The following MEGF10 variants were observed in gnomAD, a reference collection of about 807,000 sequenced individuals.
MEGF10 encodes the protein multiple EGF like domains 10, also known as multiple epidermal growth factor-like domains protein 10.
In MEGF10, 86 loss-of-function variants were observed where a neutral mutation model predicts 147.5. The observed-to-expected ratio is 0.58, with a 90% CI of 0.49 to 0.70. The LOEUF (loss-of-function observed/expected upper bound fraction) is 0.70, where lower values mean the gene tolerates loss of function less well. Ranked by LOEUF, MEGF10 falls within the 30% of genes least tolerant of loss-of-function variation. MEGF10 has a pLI of 0.00. For missense variants in MEGF10, 1,329 were observed against 1,487.3 expected (o/e 0.89, Z 1.75); for synonymous variants, 478 against 525.5 (o/e 0.91, Z 1.24).
intron 4 of MEGF10, among the ~76,000 whole-genome samples, chr5:127,343,288 C>T (rs1761752515): frequency 6.6e-6 from 1 of 152,058 alleles, no homozygotes; most frequent in African/African-American, 2.4e-5. Context: ...AATGCAAATA[C>T]CTGTATTTGA....
At chr5:127,345,312 G>A (rs1761842916) in intron 4 of MEGF10, among the ~76,000 whole-genome samples, 1 of 152,080 alleles carries the variant, frequency 6.6e-6, no homozygotes, top group Admixed American at 6.6e-5. Context: ...GATTCCATGG[G>A]TCCAGAGTGG....
Position 127,396,659 on chromosome 5 carries a change from C to A in MEGF10, c.540C>A (p.Asp180Glu), listed in dbSNP as rs202145456. The part of the protein sequence containing the change: ...AAGFRGWRCE[D>E]RCEQGTYGND... ...GCTTCCGGGGCTGGCGCTGCGAGGA[C>A]CGCTGTGAGCAGGGCACCTATGGTA... Residue 180 changes from aspartate to glutamate, a missense_variant, in exon 6 of 25, where the codon GAC (aspartate) becomes GAA (glutamate). By Grantham distance (45) the Asp-to-Glu change is conservative. Transcript: ENST00000503335. 1.4e-5 allele frequency: 22 copies of A among 1,614,116 alleles called. No homozygotes were observed. The East Asian group carries it at 4.5e-4, about 33-fold the overall frequency.
chr5:127,380,231 C>T (rs74981747), intron 5 of MEGF10, among the ~76,000 whole-genome samples: 3,157 of 152,096 alleles, frequency 0.021, 53 homozygotes, highest in South Asian at 0.076. Context: ...GGAATGAAGG[C>T]GTAAATGTGC....
At chr5:127,445,402 C>A in intron 19 of MEGF10, 55 bp from the exon 20 acceptor site, 1 of 1,385,578 alleles carries the variant, frequency 7.2e-7, no homozygotes, top group South Asian at 1.2e-5. Context: ...AAGTAGAGAT[C>A]AAACGTTTAT....
the MEGF10 span, among the ~76,000 whole-genome samples, chr5:127,247,125 C>T: frequency 7.2e-6 from 1 of 138,248 alleles, no homozygotes; most frequent in African/African-American, 2.7e-5. Flanking sequence ...AAAGAAGGGT[C>T]TATATATGTT....
intron 2 of MEGF10, among the ~76,000 whole-genome samples, chr5:127,332,593 G>A (rs763035692): frequency 3.3e-5 from 5 of 152,134 alleles, no homozygotes; most frequent in Non-Finnish European, 5.9e-5. Flanking sequence ...ATAATTACCT[G>A]ATTAGTCAAT....
chr5:127,453,836 TATACA>T lies in MEGF10; in HGVS notation c.2981-728_2981-724del, dbSNP rs1386543892. 6.6e-5 allele frequency among the ~76,000 whole-genome samples: 10 copies of T among 152,366 alleles called. No homozygotes were observed. In the East Asian group the frequency reaches 1.9e-3, roughly 29 times the overall value. The stretch of plus-strand genomic sequence containing the variant: ...AATTTGTGATTAAATGCTTATATTT[TATACA>T]ACATGCTTGTGACCTGATTGATTTC... On this transcript the variant is annotated intron_variant, in intron 22 of 24. Coordinates refer to ENST00000503335, the MANE Select transcript of MEGF10 (RefSeq NM_001256545.2).
At chr5:127,318,235 G>A (rs141564194) in intron 1 of MEGF10, among the ~76,000 whole-genome samples, 1 of 152,116 alleles carries the variant, frequency 6.6e-6, no homozygotes, top group African/African-American at 2.4e-5. Flanking sequence ...TGGACTTCCA[G>A]CCTCCAGAAC....
chr5:127,287,853 A>C (rs1364175920), upstream of MEGF10, among the ~76,000 whole-genome samples: 1 of 152,082 alleles, frequency 6.6e-6, no homozygotes, highest in Non-Finnish European at 1.5e-5. Context: ...TCCTATTATA[A>C]AGTTATAGCA....
chr5:127,326,969 A>G (rs1387692102), intron 1 of MEGF10, among the ~76,000 whole-genome samples: 1 of 152,208 alleles, frequency 6.6e-6, no homozygotes, highest in Non-Finnish European at 1.5e-5. Context: ...TCAACACCCC[A>G]TTATTTATTT....
chr5:127,316,509 T>C (rs1254657746), intron 1 of MEGF10, among the ~76,000 whole-genome samples: 3 of 152,226 alleles, frequency 2.0e-5, no homozygotes, highest in Non-Finnish European at 4.4e-5. Context: ...TGTTTTTTCA[T>C]ATTTGTAATC....
At chr5:127,265,431 AC>A in the MEGF10 span, among the ~76,000 whole-genome samples, 1 of 152,108 alleles carries the variant, frequency 6.6e-6, no homozygotes, top group African/African-American at 2.4e-5. Context: ...TTGGGTATAT[AC>A]CCAGTAATGG....
chr5:127,278,391 A>G, the MEGF10 span, among the ~76,000 whole-genome samples: 11 of 152,184 alleles, frequency 7.2e-5, no homozygotes, highest in Non-Finnish European at 1.3e-4. Flanking sequence ...GAGGAGATTT[A>G]AGAGAGAATA....
chr5:127,381,444 C>T (rs763948918), intron 5 of MEGF10, among the ~76,000 whole-genome samples: 2 of 152,168 alleles, frequency 1.3e-5, no homozygotes, highest in Non-Finnish European at 2.9e-5. Flanking sequence ...CATTTTCTGA[C>T]TGTACCAATG....
At chr5:127,327,868 G>T (rs1289182953) in intron 1 of MEGF10, among the ~76,000 whole-genome samples, 3 of 151,928 alleles carry the variant, frequency 2.0e-5, no homozygotes, top group African/African-American at 7.2e-5. Context: ...GCACCTGCCA[G>T]CATGCCTGGC....
At chr5:127,358,860 TA>T (rs1241579611) in intron 4 of MEGF10, among the ~76,000 whole-genome samples, 1 of 152,208 alleles carries the variant, frequency 6.6e-6, no homozygotes, top group African/African-American at 2.4e-5. Context: ...TTACTTACGT[TA>T]CTTAAATCTG....
upstream of MEGF10, among the ~76,000 whole-genome samples, chr5:127,289,603 C>T (rs1759146425): frequency 6.6e-6 from 1 of 152,170 alleles, no homozygotes; most frequent in Admixed American, 6.5e-5. Context: ...TAAACAAACA[C>T]CAAAACAGTC....
intron 13 of MEGF10, among the ~76,000 whole-genome samples, chr5:127,431,779 TCAAAA>T (rs1172655396): frequency 6.6e-6 from 1 of 152,186 alleles, no homozygotes; most frequent in Non-Finnish European, 1.5e-5. Context: ...CTTTAAATTC[TCAAAA>T]CAAAGTTTAG....
chr5:127,375,901 A>G (rs1187013372), intron 5 of MEGF10, among the ~76,000 whole-genome samples: 1 of 152,260 alleles, frequency 6.6e-6, no homozygotes, highest in African/African-American at 2.4e-5. Flanking sequence ...TCATTGAATG[A>G]TTACTGTGTG....
Sources: allele counts gnomAD v4.1 joint callset (sites outside exome capture counted in the v4.1 genomes callset), GRCh38; gene constraint gnomAD v4.1.1; transcripts MANE v1.5; gene names NCBI Gene and HGNC (gene_info 2026-07-23, HGNC 2026-07-21).